Variants in NFIL3 observed in about 807,000 individuals in gnomAD.
The protein encoded by NFIL3 is nuclear factor interleukin-3-regulated protein.
A neutral mutation model predicts 10.0 loss-of-function variants in NFIL3; 5 were observed. That is an observed-to-expected ratio of 0.50 (90% confidence interval 0.26 to 1.06). NFIL3 has a LOEUF of 1.06. NFIL3 is among the 50% of genes least tolerant of loss of function. The pLI, the probability that NFIL3 is intolerant of heterozygous loss-of-function variation, is 0.13. For missense variants in NFIL3, 436 were observed against 547.6 expected, an observed-to-expected ratio of 0.80 and a Z score of 2.03; for synonymous variants, 202 against 206.5, an observed-to-expected ratio of 0.98 and a Z score of 0.19.
intron 1 of NFIL3, among the ~76,000 whole-genome samples, chr9:91,414,037 GC>G (rs993794536): frequency 6.6e-6 from 1 of 152,074 alleles, no homozygotes; most frequent in Non-Finnish European, 1.5e-5. Context: ...CAAGGTTGGG[GC>G]CCAATTGGGA....
chr9:91,472,003 C>G, the NFIL3 span, among the ~76,000 whole-genome samples: 1 of 152,184 alleles, frequency 6.6e-6, no homozygotes, highest in East Asian at 1.9e-4. Flanking sequence ...GTTGAAAATT[C>G]TTTTCTTTAA....
the NFIL3 span, among the ~76,000 whole-genome samples, chr9:91,448,823 T>A: frequency 6.6e-6 from 1 of 152,194 alleles, no homozygotes; most frequent in Non-Finnish European, 1.5e-5. Context: ...TAGATCTTTT[T>A]GGGTAGTATT....
chr9:91,443,820 A>T, the NFIL3 span, among the ~76,000 whole-genome samples: 1 of 152,106 alleles, frequency 6.6e-6, no homozygotes, highest in Non-Finnish European at 1.5e-5. Flanking sequence ...CACCTCCCCC[A>T]CTGCAGCTGG....
At chr9:91,434,395 G>GA in the NFIL3 span, among the ~76,000 whole-genome samples, 1 of 152,108 alleles carries the variant, frequency 6.6e-6, no homozygotes, top group African/African-American at 2.4e-5. Context: ...CTAACCAAGG[G>GA]AAAATACATC....
At chr9:91,457,027 G>T in the NFIL3 span, among the ~76,000 whole-genome samples, 2 of 151,954 alleles carry the variant, frequency 1.3e-5, no homozygotes, top group African/African-American at 4.8e-5. Context: ...TTTATTAAAA[G>T]ATATGTGTGT....
Position 91,409,133 on chromosome 9 carries a change from C to T in NFIL3, c.*213G>A. The T allele has an allele frequency of 2.0e-6, 1 of 504,576 alleles. No homozygotes were observed. Among genetic ancestry groups the T allele is most frequent in the South Asian group, 3.8e-5 (1 of 26,068 alleles). The allele number at this position is 504,576 out of a possible 1,614,324, so 31.3% of individuals were successfully genotyped here. Reference sequence around the variant, plus strand: ...AAAAATAATGTTCAATATATACAGCCTTCGCATGGACTATCTGACTATACA... The same window carrying T: ...AAAAATAATGTTCAATATATACAGCTTTCGCATGGACTATCTGACTATACA... On this transcript the variant is annotated 3_prime_UTR_variant, in exon 2 of 2. Transcript: ENST00000297689.
chr9:91,432,803 A>G, the NFIL3 span, among the ~76,000 whole-genome samples: 1 of 152,208 alleles, frequency 6.6e-6, no homozygotes, highest in Non-Finnish European at 1.5e-5. Flanking sequence ...ATATATTGCT[A>G]AAGTAGCTGG....
chr9:91,473,580 C>T, the NFIL3 span, among the ~76,000 whole-genome samples: 20 of 152,188 alleles, frequency 1.3e-4, no homozygotes, highest in South Asian at 4.1e-4. Context: ...ACTATTAGGG[C>T]GGGAGTGTCC....
chr9:91,467,113 A>C, the NFIL3 span, among the ~76,000 whole-genome samples: 2 of 152,134 alleles, frequency 1.3e-5, no homozygotes, highest in African/African-American at 4.8e-5. Flanking sequence ...CCAGCACCCC[A>C]AATTGCATGA....
At chr9:91,435,448 T>C in the NFIL3 span, among the ~76,000 whole-genome samples, 1 of 152,132 alleles carries the variant, frequency 6.6e-6, no homozygotes, top group Non-Finnish European at 1.5e-5. Flanking sequence ...AAATGTGGAA[T>C]TCAAATTCTA....
chr9:91,458,958 C>A, the NFIL3 span, among the ~76,000 whole-genome samples: 1 of 152,106 alleles, frequency 6.6e-6, no homozygotes, highest in Non-Finnish European at 1.5e-5. Context: ...CAGTTGAATA[C>A]AATAATTTTT....
At chr9:91,419,897 C>T (rs766929345) in intron 1 of NFIL3, among the ~76,000 whole-genome samples, 8 of 152,340 alleles carry the variant, frequency 5.3e-5, no homozygotes, top group South Asian at 2.1e-4. Context: ...TTTCACAGGA[C>T]TGGCCTTAGT....
At chr9:91,451,387 A>G in the NFIL3 span, among the ~76,000 whole-genome samples, 2 of 152,138 alleles carry the variant, frequency 1.3e-5, no homozygotes, top group Non-Finnish European at 2.9e-5. Context: ...AAAGAATTAT[A>G]CCCTTCCATG....
At chr9:91,419,125 G>A (rs1447526311) in intron 1 of NFIL3, among the ~76,000 whole-genome samples, 1 of 152,074 alleles carries the variant, frequency 6.6e-6, no homozygotes, top group Non-Finnish European at 1.5e-5. Flanking sequence ...GAATATTAAA[G>A]GCAATTTCAA....
chr9:91,483,453 G>A, the NFIL3 span, among the ~76,000 whole-genome samples: 3 of 152,060 alleles, frequency 2.0e-5, no homozygotes, highest in Non-Finnish European at 2.9e-5. Context: ...GAAAAGTCAG[G>A]GTACCAGGAA....
chr9:91,445,335 G>A, the NFIL3 span, among the ~76,000 whole-genome samples: 132 of 152,300 alleles, frequency 8.7e-4, no homozygotes, highest in Admixed American at 2.4e-3. Context: ...GCTCTGTGAG[G>A]CCAGTTGTTG....
At chr9:91,439,837 T>C in the NFIL3 span, among the ~76,000 whole-genome samples, 1 of 152,144 alleles carries the variant, frequency 6.6e-6, no homozygotes, top group Admixed American at 6.5e-5. Flanking sequence ...ATATGTTAAA[T>C]CAGTGTTATA....
chr9:91,439,276 A>G, the NFIL3 span, among the ~76,000 whole-genome samples: 5 of 152,194 alleles, frequency 3.3e-5, no homozygotes, highest in Admixed American at 3.3e-4. Flanking sequence ...GCTACTGTAA[A>G]TGGGACTGTT....
At chr9:91,468,466 A>G in the NFIL3 span, among the ~76,000 whole-genome samples, 4 of 151,632 alleles carry the variant, frequency 2.6e-5, no homozygotes, top group Non-Finnish European at 4.4e-5. Context: ...GATTGCAAAA[A>G]TTTTCTCCCA....
Sources: gnomAD v4.1 joint callset for allele counts (sites outside exome capture counted in the v4.1 genomes callset) on GRCh38, gnomAD v4.1.1 for gene constraint, MANE v1.5 for transcripts, NCBI Gene and HGNC (gene_info 2026-07-23, HGNC 2026-07-21) for gene names.